ZFHX3: variants seen among roughly 807,000 people sequenced by gnomAD.
The protein encoded by ZFHX3 is zinc finger homeobox protein 3.
ZFHX3 carries 42 observed loss-of-function variants against 279.1 expected under a neutral mutation model. The ratio of observed to expected loss-of-function variants is 0.15; its 90% CI spans 0.12 to 0.19. The LOEUF (loss-of-function observed/expected upper bound fraction) is 0.19. Ranked by LOEUF, ZFHX3 falls within the 10% of genes least tolerant of loss-of-function variation. The pLI is 1.00. For synonymous variants in ZFHX3, 2,293 were observed against 1,957.8 expected (o/e 1.17, Z -4.52); for missense variants, 4,981 against 4,754.0 (o/e 1.05, Z -1.40).
At chr16:72,964,406 C>G (rs1053651391) in intron 1 of ZFHX3, among the ~76,000 whole-genome samples, 1 of 152,076 alleles carries the variant, frequency 6.6e-6, no homozygotes, top group African/African-American at 2.4e-5. Flanking sequence ...CATACAGATG[C>G]TAAATGAACA....
At position 72,785,821 on chromosome 16, in the gene ZFHX3, GA is replaced by G; in HGVS notation, c.*1342del. The G allele has an allele frequency of 6.6e-6, 1 of 150,970 alleles. No individual in the cohort carries two copies. Among genetic ancestry groups the G allele is most frequent in the Non-Finnish European group, 1.5e-5 (1 of 67,648 alleles). The allele number at this position is 150,970 out of a possible 1,614,324, so 9.4% of individuals were successfully genotyped here. A position where few individuals can be genotyped will look rare whatever the true frequency, so the allele number is the denominator to read the frequency against. Reference sequence around the variant, plus strand: ...CAAGGAGGAAAAGAAGGGGTACAAAGAAAAAAAAGCCAAAAGAAGGATAAAT... The same window carrying G: ...CAAGGAGGAAAAGAAGGGGTACAAAGAAAAAAAGCCAAAAGAAGGATAAAT... On this transcript the variant is annotated 3_prime_UTR_variant, in exon 10 of 10. Transcript: ENST00000268489.
chr16:73,019,322 G>A (rs1246273657), intron 1 of ZFHX3, among the ~76,000 whole-genome samples: 3 of 117,686 alleles, frequency 2.5e-5, no homozygotes, highest in African/African-American at 3.4e-5. Context: ...CTCCACCAGC[G>A]TGTGCGTGTG....
intron 3 of ZFHX3, among the ~76,000 whole-genome samples, chr16:72,908,440 G>A (rs565594220): frequency 7.9e-5 from 12 of 152,328 alleles, no homozygotes; most frequent in African/African-American, 2.6e-4. Flanking sequence ...GACAATGGGT[G>A]GAAAGGGGAA....
intron 7 of ZFHX3, chr16:73,127,260 C>G: frequency 8.9e-7 from 1 of 1,128,286 alleles, no homozygotes; most frequent in Non-Finnish European, 1.2e-6. Context: ...TAAAGGCTGC[C>G]GATAGGAATG....
intron 2 of ZFHX3, among the ~76,000 whole-genome samples, chr16:73,474,580 C>T (rs1295725449): frequency 6.6e-6 from 1 of 152,196 alleles, no homozygotes; most frequent in Non-Finnish European, 1.5e-5. Flanking sequence ...GTGGAGGCAG[C>T]AGCTTGACTC....
At chr16:72,933,813 C>CTTTTTTTTTT (rs71391468) in intron 3 of ZFHX3, among the ~76,000 whole-genome samples, 1,828 of 112,270 alleles carry the variant, frequency 0.016, 76 homozygotes, top group Non-Finnish European at 0.029. Context: ...TCACAACTTT[C>CTTTTTTTTTT]TTTTTTTTTT....
At chr16:73,310,341 A>G (rs1300068339) in intron 4 of ZFHX3, among the ~76,000 whole-genome samples, 3 of 152,186 alleles carry the variant, frequency 2.0e-5, no homozygotes, top group Non-Finnish European at 4.4e-5. Context: ...CAGGATGATA[A>G]GAAAAAGTGA....
chr16:73,695,663 T>C (rs539239222), intron 1 of ZFHX3, among the ~76,000 whole-genome samples: 1 of 152,294 alleles, frequency 6.6e-6, no homozygotes, highest in South Asian at 2.1e-4. Context: ...CTTCTTTCAT[T>C]TCCAAAACAG....
chr16:73,792,493 G>C (rs968788066), intron 1 of ZFHX3, among the ~76,000 whole-genome samples: 4 of 152,178 alleles, frequency 2.6e-5, no homozygotes, highest in Non-Finnish European at 4.4e-5. Context: ...AAATAAGAGA[G>C]GAAAGTTTTA....
intron 1 of ZFHX3, among the ~76,000 whole-genome samples, chr16:73,834,760 G>A (rs952678220): frequency 2.6e-5 from 4 of 152,166 alleles, no homozygotes; most frequent in Non-Finnish European, 4.4e-5. Context: ...GCATGGTGGC[G>A]CATGCCTGTA....
Position 73,556,988 on chromosome 16 carries a change from A to G in ZFHX3, c.-1546-100730T>C, listed in dbSNP as rs986525365. 3.4e-5 allele frequency among the ~76,000 whole-genome samples: 5 copies of G among 148,494 alleles called. No individual in the cohort carries two copies. The East Asian group carries it at 6.0e-4, about 18-fold the overall frequency. ...TGGGCGCCTGTAGTCCCAGCTACTC[A>G]GGAGGCTGAGGCAGGAGAATGGCAT... On this transcript the variant is annotated intron_variant, in intron 2 of 17. Coordinates refer to the ZFHX3 transcript ENST00000641206.
intron 3 of ZFHX3, among the ~76,000 whole-genome samples, chr16:73,374,744 T>G (rs773582433): frequency 4.6e-5 from 7 of 152,204 alleles, no homozygotes; most frequent in South Asian, 4.1e-4. Context: ...TTAAAAAAAT[T>G]GTTGTTGAAG....
intron 1 of ZFHX3, among the ~76,000 whole-genome samples, chr16:73,878,527 T>C (rs149470385): frequency 1.2e-4 from 18 of 152,294 alleles, no homozygotes; most frequent in Admixed American, 3.3e-4. Flanking sequence ...TCAGCTCTCA[T>C]TTTGAAACAG....
intron 4 of ZFHX3, among the ~76,000 whole-genome samples, chr16:72,847,356 A>C (rs1009494677): frequency 1.1e-4 from 17 of 152,098 alleles, no homozygotes; most frequent in Non-Finnish European, 2.2e-4. Flanking sequence ...TACTGGTGCC[A>C]CCACCCTGCA....
chr16:73,628,031 C>G (rs1218239120), intron 2 of ZFHX3, among the ~76,000 whole-genome samples: 2 of 152,160 alleles, frequency 1.3e-5, no homozygotes, highest in African/African-American at 4.8e-5. Flanking sequence ...TTACAGTTTC[C>G]TTGAGATCAA....
chr16:73,641,886 G>A (rs990785356), intron 2 of ZFHX3, among the ~76,000 whole-genome samples: 2 of 152,066 alleles, frequency 1.3e-5, no homozygotes, highest in East Asian at 3.9e-4. Flanking sequence ...ACAAGCAAAC[G>A]TCAGTCTCTG....
At chr16:73,607,712 G>T (rs1166904320) in intron 2 of ZFHX3, among the ~76,000 whole-genome samples, 1 of 152,062 alleles carries the variant, frequency 6.6e-6, no homozygotes, top group African/African-American at 2.4e-5. Context: ...CCTGACATGG[G>T]TCCTCTTAAC....
intron 7 of ZFHX3, among the ~76,000 whole-genome samples, chr16:73,112,676 A>G (rs1035382717): frequency 7.6e-6 from 1 of 131,150 alleles, no homozygotes; most frequent in African/African-American, 2.9e-5. Context: ...AGATCGCGCC[A>G]CTGCACTCCA....
At chr16:73,654,828 A>T (rs1240365069) in intron 2 of ZFHX3, among the ~76,000 whole-genome samples, 1 of 148,678 alleles carries the variant, frequency 6.7e-6, no homozygotes, top group Admixed American at 6.7e-5. Context: ...ACAATAGGTT[A>T]TCTCTCTTCT....
Sources: gnomAD v4.1 joint callset for allele counts (sites outside exome capture counted in the v4.1 genomes callset) on GRCh38, gnomAD v4.1.1 for gene constraint, MANE v1.5 for transcripts, NCBI Gene and HGNC (gene_info 2026-07-23, HGNC 2026-07-21) for gene names.